Variants in DNAH9 observed in about 807,000 individuals in gnomAD.
DNAH9 encodes dynein axonemal heavy chain 9, also known as DNAH9 variant protein.
Under a neutral mutation model 471.6 loss-of-function variants are expected in DNAH9, and 345 were observed. That is an observed-to-expected ratio of 0.73 (90% CI 0.67 to 0.80). DNAH9 has a LOEUF of 0.80. Among genes scored for constraint, DNAH9 ranks in the 30% least tolerant of loss-of-function variants. The pLI, the probability that DNAH9 is intolerant of heterozygous loss-of-function variation, is 0.00. For missense variants in DNAH9, 5,407 were observed against 5,609.2 expected, an observed-to-expected ratio of 0.96 and a Z score of 1.15; for synonymous variants, 2,093 against 2,123.6, an observed-to-expected ratio of 0.99 and a Z score of 0.40.
At chr17:11,671,562 G>A (rs1273723994) in intron 17 of DNAH9, among the ~76,000 whole-genome samples, 1 of 152,202 alleles carries the variant, frequency 6.6e-6, no homozygotes, top group African/African-American at 2.4e-5. Flanking sequence ...CTGGCCTTGG[G>A]CTGATTAGGG....
chr17:11,646,577 G>T (rs1207640597), intron 11 of DNAH9, among the ~76,000 whole-genome samples: 1 of 152,140 alleles, frequency 6.6e-6, no homozygotes, highest in Non-Finnish European at 1.5e-5. Context: ...ATCTCATGGG[G>T]TCTTTCTCCT....
chr17:11,679,914 C>T lies in DNAH9; in HGVS notation c.3511C>T (p.Gln1171Ter). 1 of 1,614,062 alleles carries T rather than the reference C, an allele frequency of 6.2e-7. No homozygotes were observed. Among genetic ancestry groups the T allele is most frequent in the Non-Finnish European group, 8.5e-7 (1 of 1,179,988 alleles). The change falls in exon 18 of 69, where the codon CAG becomes TAG. Residue 1171 changes from glutamine to a stop codon, truncating the protein, a stop_gained. Coordinates refer to ENST00000262442, the MANE Select transcript of DNAH9 (RefSeq NM_001372.4). LOFTEE classifies it high-confidence loss of function. ...NTDEMFEPLK[Q>*]TIELLKTYEQ... Reference sequence around the variant, plus strand: ...TGATGAGATGTTTGAGCCCTTAAAGCAGACTATTGAATTGCTGAAGACCTA... The same window carrying T: ...TGATGAGATGTTTGAGCCCTTAAAGTAGACTATTGAATTGCTGAAGACCTA...
rs1336885112 is a variant in DNAH9 at position 11,954,991 on chromosome 17, A to AACCAAAAT, written c.12844-6873_12844-6866dup. ...TACTGTGGGCTTTAAGCATATGTAA[A>AACCAAAAT]ACCAAAATACATGCCAACAACAGCA... On this transcript the variant is annotated intron_variant, in intron 67 of 68. Coordinates refer to ENST00000262442, the MANE Select transcript of DNAH9 (RefSeq NM_001372.4). Among the ~76,000 whole-genome samples, 4 of 152,322 alleles carry AACCAAAAT rather than the reference A, an allele frequency of 2.6e-5. No homozygotes were observed. In the East Asian group the frequency reaches 7.7e-4, roughly 29 times the overall value.
chr17:11,946,113 T>C (rs1975111038), intron 67 of DNAH9, among the ~76,000 whole-genome samples: 1 of 141,698 alleles, frequency 7.1e-6, no homozygotes, highest in Admixed American at 7.6e-5. Flanking sequence ...GGCAGGAGAA[T>C]AGTTTGAACC....
intron 52 of DNAH9, 27 bp from the exon 53 acceptor site, chr17:11,874,922 C>A: frequency 6.5e-7 from 1 of 1,528,890 alleles, no homozygotes. Flanking sequence ...CTGTTCTGAG[C>A]GTGGGGTGGT....
intron 28 of DNAH9, among the ~76,000 whole-genome samples, chr17:11,733,565 AC>A (rs2075300406): frequency 6.6e-6 from 1 of 151,996 alleles, no homozygotes; most frequent in Non-Finnish European, 1.5e-5. Context: ...ATAGAAGTAA[AC>A]CCTAGCCAGG....
At chr17:11,897,641 G>T (rs1973261726) in intron 59 of DNAH9, among the ~76,000 whole-genome samples, 2 of 152,240 alleles carry the variant, frequency 1.3e-5, no homozygotes, top group African/African-American at 4.8e-5. Context: ...ACAGGCTCTG[G>T]AGTCAGACAT....
intron 33 of DNAH9, 123 bp from the exon 34 acceptor site, chr17:11,756,445 A>G: frequency 1.5e-6 from 1 of 682,838 alleles, no homozygotes; most frequent in South Asian, 1.7e-5. Context: ...ACACAGCCAA[A>G]CCATATAAAG....
intron 55 of DNAH9, chr17:11,883,107 TAC>T: frequency 1.0e-6 from 1 of 988,878 alleles, no homozygotes; most frequent in Middle Eastern, 5.2e-4. Flanking sequence ...AGGAAGCTTT[TAC>T]ACAGTCTGCC....
chr17:11,762,776 T>TG (rs1555584680), intron 35 of DNAH9, among the ~76,000 whole-genome samples: 4 of 116,602 alleles, frequency 3.4e-5, no homozygotes, highest in African/African-American at 3.7e-5. Context: ...TTTTGTTTTT[T>TG]TTTTTTTTTT....
intron 44 of DNAH9, among the ~76,000 whole-genome samples, chr17:11,808,533 C>G (rs1358731205): frequency 1.3e-5 from 2 of 152,198 alleles, no homozygotes; most frequent in Non-Finnish European, 2.9e-5. Flanking sequence ...CACTTGCCCT[C>G]ATAATCTCTC....
At chr17:11,664,311 CA>C in intron 14 of DNAH9, among the ~76,000 whole-genome samples, 2 of 151,746 alleles carry the variant, frequency 1.3e-5, no homozygotes, top group South Asian at 4.2e-4. Flanking sequence ...GAGAGAGAAA[CA>C]TTTTTTATTT....
At position 11,747,719 on chromosome 17, in the gene DNAH9, A is replaced by G; in HGVS notation, c.6563A>G (p.Asp2188Gly). 6.2e-7 allele frequency: 1 copy of G among 1,614,146 alleles called. No homozygotes were observed. The highest frequency in any genetic ancestry group is 8.5e-7 in the Non-Finnish European group (1 of 1,180,016). Residue 2188 changes from aspartate to glycine, a missense_variant, in exon 32 of 69, where the codon GAT becomes GGT. Asp to Gly is a moderately conservative substitution (Grantham distance 94). This residue lies in a region of DNAH9 where 4,636 missense variants were observed against 4,900.3 expected (regional missense o/e 0.95). Coordinates refer to ENST00000262442, the MANE Select transcript of DNAH9 (RefSeq NM_001372.4). Reference protein sequence around the residue: ...TDLNPKAVTNDELFGIINPAT... With the variant: ...TDLNPKAVTNGELFGIINPAT... The stretch of plus-strand genomic sequence containing the variant: ...CTCAATCCCAAAGCAGTCACAAATG[A>G]TGAGCTCTTTGGCATCATCAATCCA...
intron 38 of DNAH9, among the ~76,000 whole-genome samples, chr17:11,778,739 G>C (rs1968559307): frequency 6.6e-6 from 1 of 152,136 alleles, no homozygotes; most frequent in African/African-American, 2.4e-5. Flanking sequence ...GGGCACAGTG[G>C]CTCGTGCCTG....
intron 23 of DNAH9, 48 bp from the exon 24 acceptor site, chr17:11,701,074 A>G (rs768043278): frequency 6.2e-7 from 1 of 1,611,038 alleles, no homozygotes; most frequent in Non-Finnish European, 8.5e-7. Context: ...TGTAGGACTA[A>G]CCAAAACTTC....
intron 61 of DNAH9, among the ~76,000 whole-genome samples, chr17:11,921,085 G>C (rs887142158): frequency 3.3e-5 from 5 of 151,810 alleles, no homozygotes; most frequent in Middle Eastern, 6.8e-3. Context: ...AGGCTGCAGT[G>C]AGGTGAGATC....
intron 67 of DNAH9, among the ~76,000 whole-genome samples, chr17:11,953,290 T>TG (rs1975471233): frequency 2.0e-5 from 3 of 152,240 alleles, no homozygotes; most frequent in East Asian, 3.9e-4. Context: ...CCAGACTCAG[T>TG]GGTTCTACCA....
Position 11,625,992 on chromosome 17 carries a change from G to T in DNAH9, c.1351-3425G>T, listed in dbSNP as rs538165323. ...TTAAGTGTTATTGTTCCCATCTACA[G>T]GTTAGGAAAGTGAGGCTTAGAAAAG... On this transcript the variant is annotated intron_variant, in intron 6 of 68. Transcript: ENST00000262442. Among the ~76,000 whole-genome samples, 23 of 152,298 alleles carry T rather than the reference G, an allele frequency of 1.5e-4. No homozygotes were observed. The South Asian group carries it at 2.1e-3, about 14-fold the overall frequency.
intron 22 of DNAH9, among the ~76,000 whole-genome samples, chr17:11,694,941 G>A (rs887490577): frequency 6.8e-6 from 1 of 146,832 alleles, no homozygotes; most frequent in African/African-American, 2.5e-5. Context: ...CCAGACTGGA[G>A]TCAGTGGCAC....
Sources: gnomAD v4.1 joint callset for allele counts (sites outside exome capture counted in the v4.1 genomes callset) on GRCh38, gnomAD v4.1.1 for gene constraint, gnomAD v4.1.1 regional missense constraint, MANE v1.5 for transcripts, NCBI Gene and HGNC (gene_info 2026-07-23, HGNC 2026-07-21) for gene names.